Variants in RGS7 observed in about 807,000 individuals in gnomAD.
RGS7 encodes the protein regulator of G-protein signaling 7.
In RGS7, 27 loss-of-function variants were observed where a neutral mutation model predicts 81.1. That is an observed-to-expected ratio of 0.33 (90% CI 0.25 to 0.46). The LOEUF (loss-of-function observed/expected upper bound fraction) is 0.46, where lower values mean the gene tolerates loss of function less well. Among genes scored for constraint, RGS7 ranks in the 20% least tolerant of loss-of-function variants. The pLI is 1.00. For synonymous variants in RGS7, 208 were observed against 207.7 expected, an observed-to-expected ratio of 1.00 and a Z score of -0.01; for missense variants, 396 against 607.4, an observed-to-expected ratio of 0.65 and a Z score of 3.66.
chr1:241,058,202 T>C lies in RGS7; in HGVS notation c.175+40464A>G, dbSNP rs565001169. On this transcript the variant is annotated intron_variant, in intron 3 of 18. Transcript: ENST00000440928. ...AAGAGGCAAAATGGCAGAGTTTCACTGGTATGTCCATCTGGGGGCGTTCCA... is the reference window on the plus strand; with the variant it reads ...AAGAGGCAAAATGGCAGAGTTTCACCGGTATGTCCATCTGGGGGCGTTCCA... Among the ~76,000 whole-genome samples the C allele has an allele frequency of 4.6e-5, 7 of 152,314 alleles. No homozygotes were observed. In the East Asian group the frequency reaches 9.7e-4, roughly 21 times the overall value.
chr1:240,794,466 T>A (rs982089427), intron 18 of RGS7, among the ~76,000 whole-genome samples: 5 of 152,198 alleles, frequency 3.3e-5, no homozygotes, highest in Non-Finnish European at 7.3e-5. Flanking sequence ...CCAGGTCAAT[T>A]TTCTCTGTTG....
intron 4 of RGS7, among the ~76,000 whole-genome samples, chr1:240,982,256 C>T (rs1265686752): frequency 6.6e-6 from 1 of 151,778 alleles, no homozygotes; most frequent in Non-Finnish European, 1.5e-5. Flanking sequence ...CCCGACTCTA[C>T]TAAAAATACA....
chr1:241,265,673 T>C (rs1348906817), intron 2 of RGS7, among the ~76,000 whole-genome samples: 1 of 151,456 alleles, frequency 6.6e-6, no homozygotes, highest in Non-Finnish European at 1.5e-5. Flanking sequence ...AATGAGTCAA[T>C]AGATGCTCAA....
chr1:240,933,523 A>G (rs1464599906), intron 5 of RGS7, among the ~76,000 whole-genome samples: 2 of 151,872 alleles, frequency 1.3e-5, no homozygotes, highest in African/African-American at 2.4e-5. Flanking sequence ...GATTTTTTCT[A>G]AGAAGTAGTG....
At chr1:240,835,669 A>T (rs563872600) in intron 9 of RGS7, among the ~76,000 whole-genome samples, 1 of 152,346 alleles carries the variant, frequency 6.6e-6, no homozygotes, top group Non-Finnish European at 1.5e-5. Flanking sequence ...ATAATTGCCG[A>T]AACTTCAAAG....
chr1:241,169,336 CTTTTTTTTTT>C (rs57753661), intron 2 of RGS7, among the ~76,000 whole-genome samples: 1 of 74,274 alleles, frequency 1.3e-5, no homozygotes, highest in Non-Finnish European at 2.4e-5. Context: ...ATGTGTGTTT[CTTTTTTTTTT>C]TTTTTTTTTT....
chr1:240,981,680 T>C (rs927280308), intron 4 of RGS7, among the ~76,000 whole-genome samples: 9 of 152,212 alleles, frequency 5.9e-5, no homozygotes, highest in African/African-American at 2.2e-4. Flanking sequence ...AATAGCTGCT[T>C]TGTCTTTACC....
At chr1:240,806,083 T>C (rs1341534811) in intron 15 of RGS7, 57 bp downstream of exon 15, 1 of 1,426,638 alleles carries the variant, frequency 7.0e-7, no homozygotes, top group Non-Finnish European at 9.9e-7. Context: ...AATGAATACA[T>C]CTAACGCTCA....
At chr1:241,160,995 A>G (rs764557418) in intron 2 of RGS7, among the ~76,000 whole-genome samples, 1 of 152,042 alleles carries the variant, frequency 6.6e-6, no homozygotes, top group Non-Finnish European at 1.5e-5. Flanking sequence ...GGCAAAAGTG[A>G]TAGTTTTTTT....
chr1:240,876,987 G>A (rs1665534215), intron 6 of RGS7, among the ~76,000 whole-genome samples: 1 of 152,014 alleles, frequency 6.6e-6, no homozygotes, highest in Admixed American at 6.6e-5. Flanking sequence ...AAAAATTCAT[G>A]GCCATAATTC....
intron 2 of RGS7, among the ~76,000 whole-genome samples, chr1:241,200,115 C>T (rs2073387378): frequency 6.6e-6 from 1 of 152,138 alleles, no homozygotes; most frequent in South Asian, 2.1e-4. Context: ...GTTAAGGCGA[C>T]CACTGAAGTT....
intron 6 of RGS7, among the ~76,000 whole-genome samples, chr1:240,887,033 A>C (rs1275231950): frequency 1.3e-5 from 2 of 152,118 alleles, no homozygotes; most frequent in Non-Finnish European, 2.9e-5. Context: ...TGTCTATTCC[A>C]TAGGACTGAG....
chr1:240,830,137 T>C (rs1365151228), intron 9 of RGS7, among the ~76,000 whole-genome samples: 1 of 152,194 alleles, frequency 6.6e-6, no homozygotes, highest in Non-Finnish European at 1.5e-5. Context: ...TTTTATATCA[T>C]ATGGGTGTTA....
intron 2 of RGS7, among the ~76,000 whole-genome samples, chr1:241,189,938 C>T (rs1301312295): frequency 6.6e-6 from 1 of 151,960 alleles, no homozygotes; most frequent in Non-Finnish European, 1.5e-5. Context: ...CCCGTCTCTA[C>T]TAAAAATACA....
chr1:240,903,154 C>T (rs946367361), intron 6 of RGS7, among the ~76,000 whole-genome samples: 7 of 152,104 alleles, frequency 4.6e-5, no homozygotes, highest in African/African-American at 1.7e-4. Flanking sequence ...GGTTATGCCA[C>T]AAAGAATCAG....
chr1:240,851,932 C>A (rs1371569544), intron 9 of RGS7, among the ~76,000 whole-genome samples: 1 of 152,166 alleles, frequency 6.6e-6, no homozygotes, highest in East Asian at 1.9e-4. Flanking sequence ...AAGATGAAAT[C>A]TACTTCCGGT....
chr1:241,119,780 T>C (rs2066123287), intron 2 of RGS7, among the ~76,000 whole-genome samples: 1 of 152,238 alleles, frequency 6.6e-6, no homozygotes, highest in African/African-American at 2.4e-5. Context: ...AAGTTTGTTA[T>C]TGGCAACTAA....
intron 3 of RGS7, among the ~76,000 whole-genome samples, chr1:241,091,545 C>T (rs1455845921): frequency 8.3e-6 from 1 of 120,402 alleles, no homozygotes; most frequent in African/African-American, 3.3e-5. Context: ...GAGACTCTGT[C>T]TCAATAAATA....
chr1:240,920,305 G>A, intron 6 of RGS7: 1 of 1,416,154 alleles, frequency 7.1e-7, no homozygotes. Context: ...TTTGGTCGTG[G>A]AGGAAACTTC....
Sources: gnomAD v4.1 joint callset for allele counts (sites outside exome capture counted in the v4.1 genomes callset) on GRCh38, gnomAD v4.1.1 for gene constraint, MANE v1.5 for transcripts, NCBI Gene and HGNC (gene_info 2026-07-23, HGNC 2026-07-21) for gene names.